DNAJB6: variants seen among roughly 807,000 people sequenced by gnomAD.
DNAJB6 encodes DnaJ heat shock protein family (Hsp40) member B6.
DNAJB6 carries 16 observed loss-of-function variants against 42.7 expected under a neutral mutation model. The observed-to-expected ratio is 0.37, with a 90% CI of 0.25 to 0.57. The LOEUF is 0.57. DNAJB6 is among the 20% of genes least tolerant of loss of function. The pLI, the probability that DNAJB6 is intolerant of heterozygous loss-of-function variation, is 0.74. For synonymous variants in DNAJB6, 170 were observed against 163.5 expected (o/e 1.04, Z -0.30); for missense variants, 347 against 416.8 (o/e 0.83, Z 1.46).
At chr7:157,363,134 T>C (rs755801484) in intron 2 of DNAJB6, 27 bp from the exon 3 acceptor site, 1 of 1,458,302 alleles carries the variant, frequency 6.9e-7, no homozygotes, top group Non-Finnish European at 9.5e-7. Flanking sequence ...ATTTAGAATG[T>C]GATCTATATC....
chr7:157,388,192 T>G (rs187674045), intron 8 of DNAJB6, among the ~76,000 whole-genome samples: 1 of 152,358 alleles, frequency 6.6e-6, no homozygotes, highest in East Asian at 1.9e-4. Context: ...AAGTGTAATT[T>G]TATTAAGTTA....
chr7:157,403,580 TC>T (rs2117182111), intron 8 of DNAJB6, among the ~76,000 whole-genome samples: 1 of 152,222 alleles, frequency 6.6e-6, no homozygotes, highest in Non-Finnish European at 1.5e-5. Flanking sequence ...AAAGCGATCC[TC>T]CCAGCTCAGC....
At position 157,382,211 on chromosome 7, in the gene DNAJB6, A is replaced by G. The variant is rs1468673556; in HGVS notation, c.347-35A>G. ...CACATGAGGAAAAAAACTTGAAAAA[A>G]AGACTTCATAGTGTGTGTTTATGTT... On this transcript the variant is annotated intron_variant, in intron 5 of 9. Transcript: ENST00000262177. 4 of 1,532,894 alleles carry G rather than the reference A, an allele frequency of 2.6e-6. No homozygotes were observed. The East Asian group carries it at 9.4e-5, about 36-fold the overall frequency. 95.0% of individuals were successfully genotyped at this position (1,532,894 alleles called of 1,614,324 possible). A position where few individuals can be genotyped will look rare whatever the true frequency, so the allele number is the denominator to read the frequency against.
At chr7:157,394,258 T>TG (rs1801481907) in intron 8 of DNAJB6, among the ~76,000 whole-genome samples, 1 of 152,254 alleles carries the variant, frequency 6.6e-6, no homozygotes, top group South Asian at 2.1e-4. Flanking sequence ...ATCTATTTTT[T>TG]GGAAGGAAGG....
chr7:157,391,665 TC>T (rs1368888793), intron 8 of DNAJB6, among the ~76,000 whole-genome samples: 1 of 152,260 alleles, frequency 6.6e-6, no homozygotes, highest in Non-Finnish European at 1.5e-5. Context: ...GCCCAAGTCT[TC>T]CGTGGATCCT....
intron 1 of DNAJB6, among the ~76,000 whole-genome samples, chr7:157,348,759 C>T (rs994009739): frequency 3.9e-5 from 6 of 152,216 alleles, no homozygotes; most frequent in African/African-American, 1.4e-4. Flanking sequence ...CAGTTGCGCC[C>T]TGTTCTTTCT....
chr7:157,341,546 T>G (rs1798382082), intron 1 of DNAJB6, among the ~76,000 whole-genome samples: 1 of 152,246 alleles, frequency 6.6e-6, no homozygotes, highest in Non-Finnish European at 1.5e-5. Context: ...CACCAAAGGC[T>G]TAAATTAAAA....
intron 8 of DNAJB6, among the ~76,000 whole-genome samples, chr7:157,408,954 G>A (rs10264615): frequency 0.67 from 101,801 of 152,078 alleles, 34,212 homozygotes; most frequent in Admixed American, 0.75. Context: ...TAGAGTTTGC[G>A]GAGGGACGAG....
chr7:157,358,749 C>T (rs1419293867), intron 2 of DNAJB6, 112 bp downstream of exon 2: 3 of 786,468 alleles, frequency 3.8e-6, no homozygotes, highest in Non-Finnish European at 6.5e-6. Context: ...GTATACCAGT[C>T]TTTGAATGCC....
Position 157,367,395 on chromosome 7 carries a change from A to C in DNAJB6, c.258A>C (p.Pro86=). 1 of 1,612,794 alleles carries C rather than the reference A, an allele frequency of 6.2e-7. No homozygotes were observed. The highest frequency in any genetic ancestry group is 1.3e-5 in the African/African-American group (1 of 75,024). The change falls in exon 5 of 10, where the codon CCA becomes CCC. Residue 86 remains proline (P), a synonymous_variant. Coordinates refer to ENST00000262177, the MANE Select transcript of DNAJB6 (RefSeq NM_058246.4). ...GGGGGSHFDS[P]FEFGFTFRNP... is the part of the protein sequence containing the mutation. ...CAGGTGGAAGTCATTTTGACAGTCC[A>C]TTTGAATTTGGCTTCACATTCCGTA...
intron 5 of DNAJB6, among the ~76,000 whole-genome samples, chr7:157,373,472 T>G (rs193191225): frequency 1.3e-5 from 2 of 152,296 alleles, no homozygotes; most frequent in Admixed American, 1.3e-4. Flanking sequence ...TGCCTCAGCC[T>G]CCCAAGTAGC....
chr7:157,377,249 G>A (rs1800520083), intron 5 of DNAJB6, among the ~76,000 whole-genome samples: 2 of 152,130 alleles, frequency 1.3e-5, no homozygotes, highest in South Asian at 2.1e-4. Context: ...CCCCACAAAG[G>A]ATGGCTTTGC....
intron 8 of DNAJB6, among the ~76,000 whole-genome samples, chr7:157,387,524 G>C (rs1801130476): frequency 6.6e-6 from 1 of 152,222 alleles, no homozygotes; most frequent in South Asian, 2.1e-4. Flanking sequence ...TTTTTCATTA[G>C]TGGGTGGGAT....
chr7:157,369,557 C>T, intron 5 of DNAJB6: 1 of 348,574 alleles, frequency 2.9e-6, no homozygotes, highest in Non-Finnish European at 5.6e-6. Context: ...ACAGGGCTTT[C>T]TTACCATTAT....
intron 2 of DNAJB6, among the ~76,000 whole-genome samples, chr7:157,362,738 A>G (rs986618911): frequency 2.0e-5 from 3 of 151,938 alleles, no homozygotes; most frequent in Non-Finnish European, 4.4e-5. Flanking sequence ...TGTGATCTTT[A>G]TTTTTCTATC....
chr7:157,350,686 C>CT lies in DNAJB6; in HGVS notation c.-26-7850dup, dbSNP rs796448256. ...TCTCGAAGTACTTGGAGACAACAAC[C>CT]TTTTTTTTTTTATTTTTTTTTGAGA... On this transcript the variant is annotated intron_variant, in intron 1 of 9. Coordinates refer to ENST00000262177, the MANE Select transcript of DNAJB6 (RefSeq NM_058246.4). 1.9e-3 allele frequency among the ~76,000 whole-genome samples: 251 copies of CT among 133,726 alleles called. 2 individuals carry two copies. Among genetic ancestry groups the CT allele is most frequent in the African/African-American group, 4.7e-3 (184 of 39,024 alleles). The allele number at this position is 133,726 out of a possible 152,430, so 87.7% of individuals were successfully genotyped here.
chr7:157,338,300 C>A (rs1455092463), intron 1 of DNAJB6, among the ~76,000 whole-genome samples: 1 of 152,102 alleles, frequency 6.6e-6, no homozygotes, highest in East Asian at 1.9e-4. Context: ...GCCAGTCCAC[C>A]CGTCCCGCGT....
intron 1 of DNAJB6, among the ~76,000 whole-genome samples, chr7:157,356,573 C>G (rs1799289334): frequency 6.6e-6 from 1 of 152,114 alleles, no homozygotes. Context: ...TACATGAAGT[C>G]CCTAATATTT....
chr7:157,370,395 A>G (rs1800148834), intron 5 of DNAJB6, among the ~76,000 whole-genome samples: 1 of 152,184 alleles, frequency 6.6e-6, no homozygotes, highest in Non-Finnish European at 1.5e-5. Flanking sequence ...TCTTAACATT[A>G]TTATTAAATG....
Sources: allele counts gnomAD v4.1 joint callset (sites outside exome capture counted in the v4.1 genomes callset), GRCh38; gene constraint gnomAD v4.1.1; transcripts MANE v1.5; gene names NCBI Gene and HGNC (gene_info 2026-07-23, HGNC 2026-07-21).